Variants in GCC2 observed in about 807,000 individuals in gnomAD.
The protein encoded by GCC2 is GRIP and coiled-coil domain containing 2, also known as GRIP and coiled-coil domain-containing protein 2.
A neutral mutation model predicts 210.6 loss-of-function variants in GCC2; 120 were observed. The ratio of observed to expected loss-of-function variants is 0.57; its 90% CI spans 0.49 to 0.66. The LOEUF (loss-of-function observed/expected upper bound fraction) is 0.66, where lower values mean the gene tolerates loss of function less well. Ranked by LOEUF, GCC2 falls within the 30% of genes least tolerant of loss-of-function variation. The probability of loss-of-function intolerance (pLI) is 0.00; values close to 1 mark genes in which losing one functional copy is unlikely to be tolerated. For missense variants in GCC2, 1,868 were observed against 1,871.9 expected, an observed-to-expected ratio of 1.00 and a Z score of 0.04; for synonymous variants, 703 against 652.7, an observed-to-expected ratio of 1.08 and a Z score of -1.17.
intron 20 of GCC2, 37 bp from the exon 21 acceptor site, chr2:108,496,933 G>A (rs1682672455): frequency 1.2e-6 from 2 of 1,610,754 alleles, no homozygotes; most frequent in East Asian, 2.2e-5. Flanking sequence ...TTTAATGTAT[G>A]ATTTTGAAAA....
intron 17 of GCC2, 80 bp downstream of exon 17, chr2:108,487,900 ATTTTTTTTTTT>A (rs1008834430): frequency 3.1e-6 from 2 of 648,114 alleles, no homozygotes; most frequent in South Asian, 2.0e-5. Flanking sequence ...TCCTATTATG[ATTTTTTTTTTT>A]TTTTTTTTTT....
intron 9 of GCC2, among the ~76,000 whole-genome samples, chr2:108,478,798 T>C (rs1283752361): frequency 1.3e-5 from 2 of 152,178 alleles, no homozygotes; most frequent in African/African-American, 2.4e-5. Context: ...AGGATAAATA[T>C]CTCTGATTTC....
At chr2:108,465,909 C>T (rs1680856723) in intron 4 of GCC2, among the ~76,000 whole-genome samples, 2 of 152,170 alleles carry the variant, frequency 1.3e-5, no homozygotes, top group Non-Finnish European at 2.9e-5. Flanking sequence ...GGCCGGGGTG[C>T]AGTGGCACAA....
intron 13 of GCC2, 96 bp from the exon 14 acceptor site, chr2:108,485,539 TA>T (rs1682097145): frequency 1.5e-6 from 1 of 671,666 alleles, no homozygotes; most frequent in Non-Finnish European, 2.6e-6. Context: ...AAAACAGGCT[TA>T]AAGACAAGCC....
intron 4 of GCC2, among the ~76,000 whole-genome samples, chr2:108,464,761 G>A (rs991928354): frequency 8.5e-5 from 13 of 152,132 alleles, no homozygotes; most frequent in African/African-American, 2.9e-4. Context: ...GAGGGAGGGA[G>A]GGAGACGGGA....
chr2:108,507,265 C>T (rs1402622949), intron 22 of GCC2, among the ~76,000 whole-genome samples: 3 of 151,946 alleles, frequency 2.0e-5, no homozygotes, highest in African/African-American at 7.3e-5. Context: ...TGGTGGCACA[C>T]ACCTTGTGGT....
rs1363715035 is a variant in GCC2 at position 108,473,677 on chromosome 2, T to C, written c.2860+778T>C. Among the ~76,000 whole-genome samples the C allele has an allele frequency of 2.0e-5, 3 of 152,270 alleles. No individual in the cohort carries two copies. The South Asian group carries it at 6.2e-4, about 32-fold the overall frequency. On this transcript the variant is annotated intron_variant, in intron 7 of 22. Transcript: ENST00000309863. Reference sequence around the variant, plus strand: ...CCTGTTAGATTAGGGTAAGGGAAGTTGAAGAGTTTAGAATGACTCCCAGTT... The same window carrying C: ...CCTGTTAGATTAGGGTAAGGGAAGTCGAAGAGTTTAGAATGACTCCCAGTT...
At position 108,470,622 on chromosome 2, in the gene GCC2, A is replaced by G. The variant is rs1035232214; in HGVS notation, c.1293A>G (p.Glu431=). 1 of 1,612,476 alleles carries G rather than the reference A, an allele frequency of 6.2e-7. No homozygotes were observed. Among genetic ancestry groups the G allele is most frequent in the Non-Finnish European group, 8.5e-7 (1 of 1,179,020 alleles). ...QHNREVQSLK[E]QHQKEISELN... ...ACAGAGAAGTACAGAGTCTTAAGGA[A>G]CAACATCAAAAAGAAATATCAGAAC... Residue 431 remains glutamate, a synonymous_variant, in exon 6 of 23, where the codon GAA becomes GAG. Transcript: ENST00000309863.
intron 9 of GCC2, 141 bp downstream of exon 9, chr2:108,475,991 G>T: frequency 1.9e-6 from 1 of 535,888 alleles, no homozygotes; most frequent in Non-Finnish European, 3.3e-6. Context: ...CTGTTTTGGG[G>T]TGCAATGTAA....
Position 108,497,084 on chromosome 2 carries a change from A to T in GCC2, c.4757A>T (p.Asn1586Ile), listed in dbSNP as rs375902750. Residue 1586 changes from asparagine to isoleucine, a missense_variant, in exon 21 of 23, where the codon AAT becomes ATT. Asn to Ile is a moderately radical substitution (Grantham distance 149). Coordinates refer to ENST00000309863, the MANE Select transcript of GCC2 (RefSeq NM_181453.4). The part of the protein sequence containing the change: ...NGLLRETEAT[N>I]AILMEQIKLL... ...CTGCTTCGGGAAACAGAAGCAACCA[A>T]TGCAATTCTTATGGAGCAAATTAAG... The T allele has an allele frequency of 1.3e-5, 21 of 1,611,902 alleles. No homozygotes were observed. Among genetic ancestry groups the T allele is most frequent in the Non-Finnish European group, 1.7e-5 (20 of 1,179,870 alleles).
chr2:108,457,062 T>C (rs959425742), intron 4 of GCC2, among the ~76,000 whole-genome samples: 2 of 152,160 alleles, frequency 1.3e-5, no homozygotes, highest in Non-Finnish European at 2.9e-5. Flanking sequence ...CCTAGACCAA[T>C]GTCTTGATGC....
At chr2:108,456,974 A>T (rs1179486529) in intron 4 of GCC2, among the ~76,000 whole-genome samples, 1 of 150,624 alleles carries the variant, frequency 6.6e-6, no homozygotes, top group Non-Finnish European at 1.5e-5. Flanking sequence ...AAAATTTAAG[A>T]TGCCTTTCAG....
At chr2:108,452,581 G>T in intron 4 of GCC2, 115 bp downstream of exon 4, 1 of 676,964 alleles carries the variant, frequency 1.5e-6, no homozygotes. Context: ...TGCCTTGGTT[G>T]TTTTTACCTA....
chr2:108,472,976 A>T (rs771421905), intron 7 of GCC2, 77 bp downstream of exon 7: 3 of 814,348 alleles, frequency 3.7e-6, no homozygotes, highest in Non-Finnish European at 3.9e-6. Flanking sequence ...TGGGAAATAT[A>T]GTAGCCAAAT....
Position 108,483,114 on chromosome 2 carries a change from A to C in GCC2, c.3398A>C (p.Lys1133Thr). Residue 1133 changes from lysine (K) to threonine (T), a missense_variant, in exon 12 of 23, where the codon AAG becomes ACG. Coordinates refer to ENST00000309863, the MANE Select transcript of GCC2 (RefSeq NM_181453.4). ...GAAGAACTTCAGGTACAACTTCAAA[A>C]GCAAAAGAAACAGCTTCAGAAAACC... ...ELEELQVQLQ[K>T]QKKQLQKTMQ... 1 of 1,595,426 alleles carries C rather than the reference A, an allele frequency of 6.3e-7. No homozygotes were observed. Among genetic ancestry groups the C allele is most frequent in the Non-Finnish European group, 8.6e-7 (1 of 1,163,252 alleles).
At chr2:108,454,242 G>A (rs55870446) in intron 4 of GCC2, among the ~76,000 whole-genome samples, 10,161 of 152,118 alleles carry the variant, frequency 0.067, 465 homozygotes, top group Non-Finnish European at 0.078. Context: ...CACCTGCCTC[G>A]TCCTCCCGAA....
At chr2:108,502,002 G>A (rs1056639) in intron 22 of GCC2, among the ~76,000 whole-genome samples, 2 of 152,188 alleles carry the variant, frequency 1.3e-5, no homozygotes, top group Admixed American at 1.3e-4. Flanking sequence ...TACATCATGT[G>A]TATTTTTAGT....
At chr2:108,465,248 C>T (rs183090656) in intron 4 of GCC2, among the ~76,000 whole-genome samples, 1 of 152,342 alleles carries the variant, frequency 6.6e-6, no homozygotes, top group East Asian at 1.9e-4. Context: ...TAATTATCTA[C>T]TCACTATTTT....
intron 17 of GCC2, among the ~76,000 whole-genome samples, chr2:108,488,242 G>A (rs1022382431): frequency 6.6e-6 from 1 of 152,078 alleles, no homozygotes; most frequent in Admixed American, 6.6e-5. Context: ...GTGAAATTAT[G>A]TATATTGTTA....
Sources: gnomAD v4.1 joint callset for allele counts (sites outside exome capture counted in the v4.1 genomes callset) on GRCh38, gnomAD v4.1.1 for gene constraint, MANE v1.5 for transcripts, NCBI Gene and HGNC (gene_info 2026-07-23, HGNC 2026-07-21) for gene names.